Variants in DCAF8L2 observed in about 807,000 individuals in gnomAD.
DCAF8L2 encodes the protein DDB1- and CUL4-associated factor 8-like protein 2.
For synonymous variants in DCAF8L2, 200 were observed against 190.9 expected, an observed-to-expected ratio of 1.05 and a Z score of -0.39; for missense variants, 430 against 490.7, an observed-to-expected ratio of 0.88 and a Z score of 1.17.
At chrX:27,722,500 C>T (rs1602779708) in intron 4 of DCAF8L2, among the ~76,000 whole-genome samples, 1 of 111,424 alleles carries the variant, frequency 9.0e-6, no homozygotes, top group East Asian at 2.8e-4. Flanking sequence ...AATTCACATT[C>T]AGTAGAAAGC....
At chrX:27,570,721 G>T in the DCAF8L2 span, among the ~76,000 whole-genome samples, 1 of 111,794 alleles carries the variant, frequency 8.9e-6, no homozygotes, top group Non-Finnish European at 1.9e-5. Context: ...ATTCGGGGCA[G>T]CTCTCCTCAG....
chrX:27,651,539 T>G (rs1470845184), intron 2 of DCAF8L2, among the ~76,000 whole-genome samples: 6 of 98,415 alleles, frequency 6.1e-5, no homozygotes, highest in Non-Finnish European at 1.2e-4. Flanking sequence ...AGACGGAGTC[T>G]TGCTCTGTCG....
chrX:27,692,615 A>G (rs917652953), intron 3 of DCAF8L2, among the ~76,000 whole-genome samples: 1 of 111,905 alleles, frequency 8.9e-6, no homozygotes, highest in Non-Finnish European at 1.9e-5. Flanking sequence ...AATTTTTCTG[A>G]AAGAGTTAGT....
intron 2 of DCAF8L2, among the ~76,000 whole-genome samples, chrX:27,652,729 T>G (rs1929198591): frequency 8.9e-6 from 1 of 112,223 alleles, no homozygotes; most frequent in South Asian, 3.7e-4. Context: ...CCTCTGGATA[T>G]GACCAAAGAC....
the DCAF8L2 span, among the ~76,000 whole-genome samples, chrX:27,572,695 T>G: frequency 9.0e-6 from 1 of 111,670 alleles, no homozygotes; most frequent in South Asian, 3.9e-4. Context: ...CTTAGCCCAT[T>G]CATATGGGTC....
chrX:27,711,274 C>A (rs1931519244), intron 3 of DCAF8L2, among the ~76,000 whole-genome samples: 1 of 110,209 alleles, frequency 9.1e-6, no homozygotes, highest in African/African-American at 3.3e-5. Context: ...CTTTCTGTGT[C>A]TGGCGCATTT....
At chrX:27,646,921 G>A (rs765842031) in intron 2 of DCAF8L2, among the ~76,000 whole-genome samples, 179 of 111,587 alleles carry the variant, frequency 1.6e-3, no homozygotes, top group Non-Finnish European at 2.6e-3. Flanking sequence ...AAATGCTGGC[G>A]AGGTTGTGGA....
chrX:27,542,568 A>T, the DCAF8L2 span, among the ~76,000 whole-genome samples: 1 of 59,773 alleles, frequency 1.7e-5, no homozygotes, highest in South Asian at 1.6e-3. Flanking sequence ...TTTGAGATGG[A>T]GTCTCGCTCT....
At chrX:27,634,958 A>G (rs1326797021) in intron 2 of DCAF8L2, among the ~76,000 whole-genome samples, 2 of 56,554 alleles carry the variant, frequency 3.5e-5, no homozygotes, top group Non-Finnish European at 6.2e-5. Context: ...CCATGTATAT[A>G]CACACACACA....
upstream of DCAF8L2, among the ~76,000 whole-genome samples, chrX:27,589,045 A>G (rs1925971713): frequency 8.9e-6 from 1 of 111,800 alleles, no homozygotes; most frequent in South Asian, 3.7e-4. Flanking sequence ...ATGGCTAATC[A>G]CTCACATTTT....
chrX:27,579,220 T>C, the DCAF8L2 span, among the ~76,000 whole-genome samples: 1 of 111,751 alleles, frequency 8.9e-6, no homozygotes, highest in Non-Finnish European at 1.9e-5. Context: ...TGGAATACTA[T>C]GCAGCCATAG....
intron 4 of DCAF8L2, among the ~76,000 whole-genome samples, chrX:27,730,411 G>A (rs1921123044): frequency 9.0e-6 from 1 of 111,290 alleles, no homozygotes; most frequent in African/African-American, 3.3e-5. Context: ...TTATATCACT[G>A]AATCACATAT....
the DCAF8L2 span, among the ~76,000 whole-genome samples, chrX:27,503,839 C>G: frequency 5.4e-5 from 6 of 111,458 alleles, no homozygotes; most frequent in Admixed American, 5.8e-4. Flanking sequence ...AGATTAAATA[C>G]AAGTATAGAC....
chrX:27,696,264 GAGAGAGAAAGAAAGAA>G (rs1297717516), intron 3 of DCAF8L2, among the ~76,000 whole-genome samples: 2 of 75,644 alleles, frequency 2.6e-5, no homozygotes, highest in East Asian at 4.3e-4. Context: ...AAGGAAGAGA[GAGAGAGAAAGAAAGAA>G]AGAAAGAAAG....
At chrX:27,667,915 T>C (rs1331990016) in intron 2 of DCAF8L2, among the ~76,000 whole-genome samples, 2 of 112,261 alleles carry the variant, frequency 1.8e-5, no homozygotes, top group Non-Finnish European at 3.8e-5. Flanking sequence ...ATCTCAAGTA[T>C]ACAAACTGAA....
At chrX:27,494,468 C>A in the DCAF8L2 span, among the ~76,000 whole-genome samples, 61 of 111,857 alleles carry the variant, frequency 5.5e-4, no homozygotes, top group African/African-American at 1.8e-3. Context: ...ATCCTATGCA[C>A]AGTTGATGTT....
intron 4 of DCAF8L2, among the ~76,000 whole-genome samples, chrX:27,720,617 C>G (rs1931868358): frequency 9.0e-6 from 1 of 111,591 alleles, no homozygotes; most frequent in African/African-American, 3.3e-5. Context: ...TCATGACCCA[C>G]CCGCCTCGGC....
intron 2 of DCAF8L2, among the ~76,000 whole-genome samples, chrX:27,636,644 T>C (rs762798555): frequency 9.0e-6 from 1 of 111,640 alleles, no homozygotes; most frequent in East Asian, 2.8e-4. Flanking sequence ...AACACATCTC[T>C]ATTTAATTCT....
upstream of DCAF8L2, among the ~76,000 whole-genome samples, chrX:27,590,124 GT>G (rs377503713): frequency 9.0e-3 from 992 of 110,761 alleles, 8 homozygotes; most frequent in African/African-American, 0.03. Context: ...ATTAATTTAG[GT>G]TTTTTTTCTA....
Sources: gnomAD v4.1 joint callset for allele counts (sites outside exome capture counted in the v4.1 genomes callset) on GRCh38, gnomAD v4.1.1 for gene constraint, MANE v1.5 for transcripts, NCBI Gene and HGNC (gene_info 2026-07-23, HGNC 2026-07-21) for gene names.